Variants in MAP6 observed in about 807,000 individuals in gnomAD.
MAP6 encodes microtubule associated protein 6.
Under a neutral mutation model 42.4 loss-of-function variants are expected in MAP6, and 26 were observed. That is an observed-to-expected ratio of 0.61 (90% CI 0.45 to 0.85). The LOEUF is 0.85. MAP6 is among the 40% of genes least tolerant of loss of function. The probability of loss-of-function intolerance (pLI) is 0.00; values close to 1 mark genes in which losing one functional copy is unlikely to be tolerated. For synonymous variants in MAP6, 418 were observed against 443.8 expected, an observed-to-expected ratio of 0.94 and a Z score of 0.73; for missense variants, 966 against 1,099.0, an observed-to-expected ratio of 0.88 and a Z score of 1.71.
intron 1 of MAP6, among the ~76,000 whole-genome samples, chr11:75,643,218 T>A (rs1028813654): frequency 2.1e-4 from 31 of 149,254 alleles, no homozygotes; most frequent in Admixed American, 1.1e-3. Context: ...TGTATGTGTT[T>A]TATATATATA....
intron 2 of MAP6, among the ~76,000 whole-genome samples, chr11:75,606,448 C>T (rs1350558605): frequency 1.3e-5 from 2 of 152,232 alleles, no homozygotes; most frequent in Admixed American, 6.5e-5. Context: ...CCAGTGCTCT[C>T]TTTTCCTCTG....
chr11:75,588,221 A>C (rs1372610251), intron 3 of MAP6, 37 bp from the exon 4 acceptor site: 1 of 1,578,394 alleles, frequency 6.3e-7, no homozygotes, highest in Non-Finnish European at 8.6e-7. Context: ...GTGAGAGTAG[A>C]GCTCAGGCAG....
In MAP6 at chr11:75,667,425, G is replaced by T; in HGVS notation, c.905+40C>A. ...CCCGGGCAGCCCGCGGGGAGGGTCTGCGTGGTGACTCCCCCGCGCTAGCAG... is the reference window on the plus strand; with the variant it reads ...CCCGGGCAGCCCGCGGGGAGGGTCTTCGTGGTGACTCCCCCGCGCTAGCAG... On this transcript the variant is annotated intron_variant, in intron 1 of 3. Transcript: ENST00000304771. The surrounding 1 kb of genome is among the most constrained non-coding windows in gnomAD (Gnocchi z 5.6). The T allele has an allele frequency of 7.0e-7, 1 of 1,425,816 alleles. No homozygotes were observed. The highest frequency in any genetic ancestry group is 9.1e-7 in the Non-Finnish European group (1 of 1,094,584). The allele number at this position is 1,425,816 out of a possible 1,614,324, so 88.3% of individuals were successfully genotyped here.
rs74669970 is a variant in MAP6, at chr11:75,623,331, G to A, written c.906-15009C>T. Among the ~76,000 whole-genome samples the A allele has an allele frequency of 5.0e-3, 762 of 152,252 alleles. 11 individuals are homozygous for A. The highest frequency in any genetic ancestry group is 0.017 in the African/African-American group (723 of 41,550). On this transcript the variant is annotated intron_variant, in intron 1 of 3. Coordinates refer to ENST00000304771, the MANE Select transcript of MAP6 (RefSeq NM_033063.2). The stretch of plus-strand genomic sequence containing the variant: ...TGCCGAGGCTTGTGAGTGAGAGGGA[G>A]GATGCTAAAACTGTCTTTCAGAGAC...
At chr11:75,664,784 C>A (rs1943918415) in intron 1 of MAP6, among the ~76,000 whole-genome samples, 1 of 152,068 alleles carries the variant, frequency 6.6e-6, no homozygotes, top group Non-Finnish European at 1.5e-5. Context: ...AATTGCCAAC[C>A]ATTTTTTCTT....
chr11:75,610,357 T>G (rs998022441), intron 1 of MAP6, among the ~76,000 whole-genome samples: 6 of 152,258 alleles, frequency 3.9e-5, no homozygotes, highest in African/African-American at 1.4e-4. Context: ...ATCATTCATT[T>G]TCACCCATTC....
At chr11:75,594,611 T>G (rs1942545435) in intron 3 of MAP6, 1 of 152,258 alleles carries the variant, frequency 6.6e-6, no homozygotes, top group South Asian at 2.1e-4. Context: ...CATCTTTGCA[T>G]CATGAGTATC....
intron 1 of MAP6, among the ~76,000 whole-genome samples, chr11:75,633,925 C>A (rs1366615047): frequency 2.0e-5 from 3 of 152,158 alleles, no homozygotes; most frequent in African/African-American, 7.2e-5. Context: ...TTGAGCAGAC[C>A]TGATGTAGCT....
chr11:75,660,534 T>C lies in MAP6; in HGVS notation c.905+6931A>G, dbSNP rs58819450. Among the ~76,000 whole-genome samples the C allele has an allele frequency of 3.2e-3, 480 of 152,302 alleles. 2 individuals carry two copies. Among genetic ancestry groups the C allele is most frequent in the African/African-American group, 0.011 (466 of 41,556 alleles). On this transcript the variant is annotated intron_variant, in intron 1 of 3. Coordinates refer to ENST00000304771, the MANE Select transcript of MAP6 (RefSeq NM_033063.2). ...TCATCCTGGGCCATATCCTCTTCTT[T>C]GCATCTCAATTGGTCATTTAGATCT...
In MAP6 at chr11:75,667,333, T is replaced by C. The variant is rs1302489207; in HGVS notation, c.905+132A>G. On this transcript the variant is annotated intron_variant, in intron 1 of 3. Coordinates refer to ENST00000304771, the MANE Select transcript of MAP6 (RefSeq NM_033063.2). The surrounding 1 kb of genome is among the most constrained non-coding windows in gnomAD (Gnocchi z 5.6). Reference sequence around the variant, plus strand: ...GACAGGAGGTGGCCTGGGAGGCGGCTGGGGAGAGGGTGTGGCCTGGGACTG... The same window carrying C: ...GACAGGAGGTGGCCTGGGAGGCGGCCGGGGAGAGGGTGTGGCCTGGGACTG... 2.2e-5 allele frequency: 18 copies of C among 809,616 alleles called. No individual in the cohort carries two copies. The highest frequency in any genetic ancestry group is 3.2e-5 in the Non-Finnish European group (18 of 568,800). The allele number at this position is 809,616 out of a possible 1,614,324, so 50.2% of individuals were successfully genotyped here.
chr11:75,612,371 C>G (rs1942913385), intron 1 of MAP6, among the ~76,000 whole-genome samples: 1 of 152,142 alleles, frequency 6.6e-6, no homozygotes. Context: ...TAGACCTGAC[C>G]ATGTCTGATC....
At chr11:75,665,160 C>T (rs533358328) in intron 1 of MAP6, among the ~76,000 whole-genome samples, 5 of 152,082 alleles carry the variant, frequency 3.3e-5, no homozygotes, top group African/African-American at 7.2e-5. Context: ...TCACCAGCTC[C>T]GAGGGCATAG....
chr11:75,638,731 T>C (rs1943413193), intron 1 of MAP6: 1 of 152,192 alleles, frequency 6.6e-6, no homozygotes, highest in Non-Finnish European at 1.5e-5. Flanking sequence ...ACAATCTCTA[T>C]GGAAAACAGT....
intron 3 of MAP6, among the ~76,000 whole-genome samples, chr11:75,595,378 C>T (rs773478225): frequency 4.6e-5 from 7 of 152,218 alleles, no homozygotes; most frequent in Non-Finnish European, 8.8e-5. Flanking sequence ...CCTGGCTTCT[C>T]CAAGTAACAC....
At chr11:75,644,321 AATCT>A (rs771429493) in intron 1 of MAP6, among the ~76,000 whole-genome samples, 2 of 152,142 alleles carry the variant, frequency 1.3e-5, no homozygotes, top group Non-Finnish European at 2.9e-5. Context: ...AACCTCTCTG[AATCT>A]ATCTATCTGA....
chr11:75,633,482 A>G (rs1420650232), intron 1 of MAP6, among the ~76,000 whole-genome samples: 1 of 152,246 alleles, frequency 6.6e-6, no homozygotes, highest in East Asian at 1.9e-4. Flanking sequence ...CAGAGGACAG[A>G]GGATACAAAG....
intron 3 of MAP6, among the ~76,000 whole-genome samples, chr11:75,600,278 CAGG>C (rs1179363669): frequency 6.6e-6 from 1 of 152,102 alleles, no homozygotes; most frequent in Non-Finnish European, 1.5e-5. Context: ...ACTAATGCTC[CAGG>C]AGGTTAGTGA....
intron 1 of MAP6, among the ~76,000 whole-genome samples, chr11:75,647,188 T>C (rs1170581228): frequency 6.6e-6 from 1 of 151,842 alleles, no homozygotes; most frequent in Non-Finnish European, 1.5e-5. Context: ...TTTACCATGT[T>C]GGCCAGGCTG....
At chr11:75,647,448 G>A (rs1465302698) in intron 1 of MAP6, among the ~76,000 whole-genome samples, 1 of 150,106 alleles carries the variant, frequency 6.7e-6, no homozygotes, top group African/African-American at 2.5e-5. Context: ...GCATCGAAAA[G>A]GAGTAAAGAA....
Sources: gnomAD v4.1 joint callset for allele counts (sites outside exome capture counted in the v4.1 genomes callset) on GRCh38, gnomAD v4.1.1 for gene constraint, Gnocchi (gnomAD v3.1) non-coding constraint, MANE v1.5 for transcripts, NCBI Gene and HGNC (gene_info 2026-07-23, HGNC 2026-07-21) for gene names.